The following CCSER1 variants were observed in gnomAD, a reference collection of about 807,000 sequenced individuals.
The protein encoded by CCSER1 is coiled-coil serine rich protein 1.
CCSER1 carries 41 observed loss-of-function variants against 82.0 expected under a neutral mutation model. The ratio of observed to expected loss-of-function variants is 0.50; its 90% CI spans 0.39 to 0.65. CCSER1 has a LOEUF of 0.65. CCSER1 is among the 30% of genes least tolerant of loss of function. CCSER1 has a pLI of 0.00. For synonymous variants in CCSER1, 414 were observed against 383.9 expected (o/e 1.08, Z -0.92); for missense variants, 1,119 against 1,064.2 (o/e 1.05, Z -0.72).
chr4:90,313,600 G>A (rs1481844518), intron 3 of CCSER1, among the ~76,000 whole-genome samples: 1 of 152,104 alleles, frequency 6.6e-6, no homozygotes, highest in Admixed American at 6.6e-5. Flanking sequence ...CCAAATTGTA[G>A]AGCCTGCTTT....
At chr4:90,431,531 C>A (rs556576274) in intron 4 of CCSER1, among the ~76,000 whole-genome samples, 8 of 151,982 alleles carry the variant, frequency 5.3e-5, no homozygotes, top group Non-Finnish European at 1.2e-4. Flanking sequence ...CTGTTTCTTA[C>A]GATGCTTATT....
intron 8 of CCSER1, among the ~76,000 whole-genome samples, chr4:90,893,776 CGTGT>C (rs35451218): frequency 2.8e-5 from 3 of 108,124 alleles, no homozygotes. Context: ...TGTGTGTGTG[CGTGT>C]GTGTGTGTGT....
At position 91,135,394 on chromosome 4, in the gene CCSER1, G is replaced by A. The variant is rs369050341; in HGVS notation, c.2217+49400G>A. On this transcript the variant is annotated intron_variant, in intron 10 of 10. Transcript: ENST00000509176. ...GACATGACCAAAAAAGTGGATCCTA[G>A]ACCAGAAGAAAAAACTGTCCACAAA... is the stretch of plus-strand genomic sequence containing the variant. Among the ~76,000 whole-genome samples, 558 of 152,226 alleles carry A rather than the reference G, an allele frequency of 3.7e-3. 1 individual carries two copies. Among genetic ancestry groups the A allele is most frequent in the African/African-American group, 0.01 (432 of 41,542 alleles).
At chr4:90,955,036 A>G (rs1247189107) in intron 9 of CCSER1, among the ~76,000 whole-genome samples, 1 of 152,178 alleles carries the variant, frequency 6.6e-6, no homozygotes, top group South Asian at 2.1e-4. Flanking sequence ...ATATTTATCT[A>G]CATTATCTAT....
chr4:90,529,375 G>A (rs889788504), intron 5 of CCSER1, among the ~76,000 whole-genome samples: 11 of 151,884 alleles, frequency 7.2e-5, no homozygotes, highest in Non-Finnish European at 1.6e-4. Context: ...GACTACAGAC[G>A]CATTTCACTA....
chr4:91,405,004 C>A (rs1351408986), intron 10 of CCSER1, among the ~76,000 whole-genome samples: 2 of 152,130 alleles, frequency 1.3e-5, no homozygotes, highest in Non-Finnish European at 2.9e-5. Context: ...GTGTTAAAGT[C>A]ACTCATTATT....
intron 9 of CCSER1, among the ~76,000 whole-genome samples, chr4:91,019,395 T>G (rs1739722228): frequency 3.3e-5 from 5 of 152,144 alleles, no homozygotes; most frequent in African/African-American, 4.8e-5. Flanking sequence ...TCATCATGAC[T>G]TATTGATTCT....
At chr4:90,474,852 T>G in intron 5 of CCSER1, among the ~76,000 whole-genome samples, 1 of 152,188 alleles carries the variant, frequency 6.6e-6, no homozygotes, top group Non-Finnish European at 1.5e-5. Flanking sequence ...TAATAACTTA[T>G]AATACATTAC....
At chr4:91,087,168 A>C (rs1723473821) in intron 10 of CCSER1, among the ~76,000 whole-genome samples, 1 of 152,060 alleles carries the variant, frequency 6.6e-6, no homozygotes, top group South Asian at 2.1e-4. Context: ...CCTAAAGTGA[A>C]AGTTTTCATC....
chr4:91,509,506 A>G (rs975287237), intron 10 of CCSER1, among the ~76,000 whole-genome samples: 3 of 152,098 alleles, frequency 2.0e-5, no homozygotes, highest in Admixed American at 6.6e-5. Flanking sequence ...CACATGGTAT[A>G]TTCTGGAGAA....
At chr4:90,279,061 A>C (rs572902820) in intron 1 of CCSER1, among the ~76,000 whole-genome samples, 2 of 152,060 alleles carry the variant, frequency 1.3e-5, no homozygotes, top group African/African-American at 4.8e-5. Context: ...ATATTCTATA[A>C]TGGCACTTTT....
At chr4:91,101,652 G>T (rs1162093091) in intron 10 of CCSER1, among the ~76,000 whole-genome samples, 3 of 150,590 alleles carry the variant, frequency 2.0e-5, no homozygotes, top group Non-Finnish European at 4.4e-5. Flanking sequence ...AAAAGACCAG[G>T]TTGGGGGCCT....
At chr4:90,832,225 GTT>G (rs751677842) in intron 8 of CCSER1, among the ~76,000 whole-genome samples, 3 of 151,924 alleles carry the variant, frequency 2.0e-5, no homozygotes, top group Non-Finnish European at 4.4e-5. Context: ...TATTTTTCAA[GTT>G]TTCTTTCCAT....
chr4:91,578,094 G>A lies in CCSER1; in HGVS notation c.2218-20478G>A, dbSNP rs140578374. On this transcript the variant is annotated intron_variant, in intron 10 of 10. Transcript: ENST00000509176. Reference sequence around the variant, plus strand: ...CCTGGGCTGCTTTGCATAGCCCCATGGGTCTTGGGAGCATTGGGAACTAAT... The same window carrying A: ...CCTGGGCTGCTTTGCATAGCCCCATAGGTCTTGGGAGCATTGGGAACTAAT... 2.3e-3 allele frequency among the ~76,000 whole-genome samples: 353 copies of A among 152,064 alleles called. 2 individuals are homozygous for A. The highest frequency in any genetic ancestry group is 8.2e-3 in the African/African-American group (339 of 41,526).
intron 1 of CCSER1, among the ~76,000 whole-genome samples, chr4:90,257,632 ATACT>A (rs1056503984): frequency 7.9e-5 from 12 of 152,316 alleles, no homozygotes; most frequent in Non-Finnish European, 1.6e-4. Flanking sequence ...AAACATGTAA[ATACT>A]TAAGTAAATG....
At chr4:90,255,660 A>C (rs1005150362) in intron 1 of CCSER1, among the ~76,000 whole-genome samples, 2 of 152,180 alleles carry the variant, frequency 1.3e-5, no homozygotes, top group African/African-American at 2.4e-5. Context: ...CTGATTACAG[A>C]ATAGATATCT....
At chr4:90,745,901 C>T (rs920236014) in intron 7 of CCSER1, among the ~76,000 whole-genome samples, 1 of 151,678 alleles carries the variant, frequency 6.6e-6, no homozygotes, top group Non-Finnish European at 1.5e-5. Context: ...GGGGTTTCAC[C>T]GTGTTAGCCA....
intron 10 of CCSER1, among the ~76,000 whole-genome samples, chr4:91,368,500 C>G (rs886172208): frequency 6.6e-6 from 1 of 152,056 alleles, no homozygotes; most frequent in Non-Finnish European, 1.5e-5. Flanking sequence ...TTTTCTACTA[C>G]TTAAAAGCAT....
intron 10 of CCSER1, among the ~76,000 whole-genome samples, chr4:91,550,751 A>G (rs535797381): frequency 6.6e-6 from 1 of 152,302 alleles, no homozygotes; most frequent in South Asian, 2.1e-4. Context: ...AGGGGATGAA[A>G]GAATAACTGA....
Sources: allele counts gnomAD v4.1 joint callset (sites outside exome capture counted in the v4.1 genomes callset), GRCh38; gene constraint gnomAD v4.1.1; transcripts MANE v1.5; gene names NCBI Gene and HGNC (gene_info 2026-07-23, HGNC 2026-07-21).